Variants in ANKRD28 observed in about 807,000 individuals in gnomAD.
ANKRD28 encodes the protein serine/threonine-protein phosphatase 6 regulatory ankyrin repeat subunit A.
ANKRD28 carries 44 observed loss-of-function variants against 126.5 expected under a neutral mutation model. That is an observed-to-expected ratio of 0.35 (90% CI 0.27 to 0.45). The LOEUF is 0.45. Ranked by LOEUF, ANKRD28 falls within the 20% of genes least tolerant of loss-of-function variation. The pLI is 1.00. For synonymous variants in ANKRD28, 442 were observed against 468.5 expected (o/e 0.94, Z 0.73); for missense variants, 1,110 against 1,316.6 (o/e 0.84, Z 2.43).
chr3:15,757,341 G>C (rs931087376), intron 3 of ANKRD28, among the ~76,000 whole-genome samples: 5 of 152,088 alleles, frequency 3.3e-5, no homozygotes, highest in Non-Finnish European at 7.4e-5. Context: ...CATTGTTCAA[G>C]GGTCAACTAT....
Position 15,749,360 on chromosome 3 carries a change from C to T in ANKRD28, c.351+2390G>A, listed in dbSNP as rs113466604. 8.9e-3 allele frequency among the ~76,000 whole-genome samples: 1,353 copies of T among 152,024 alleles called. 10 individuals are homozygous for T. Among genetic ancestry groups the T allele is most frequent in the Middle Eastern group, 0.031 (9 of 294 alleles). On this transcript the variant is annotated intron_variant, in intron 4 of 27. Transcript: ENST00000683139. ...ATCTCCTGACCTCATGATCCACCCG[C>T]CTCGGCCTCCCAAAGTGCTGGGATT... is the stretch of plus-strand genomic sequence containing the variant.
intron 2 of ANKRD28, among the ~76,000 whole-genome samples, chr3:15,794,439 T>G (rs1467917963): frequency 6.6e-6 from 1 of 152,180 alleles, no homozygotes; most frequent in African/African-American, 2.4e-5. Context: ...AGCGACTTTG[T>G]GAATCATATG....
At chr3:15,841,165 C>G (rs2061418293) in intron 1 of ANKRD28, among the ~76,000 whole-genome samples, 1 of 152,000 alleles carries the variant, frequency 6.6e-6, no homozygotes, top group Non-Finnish European at 1.5e-5. Flanking sequence ...AATGAAGACC[C>G]CTACCTCTTG....
rs1320918786 is a variant in ANKRD28 at position 15,843,590 on chromosome 3, GA to G, written c.27+15786del. On this transcript the variant is annotated intron_variant, in intron 1 of 27. Transcript: ENST00000399451. This position sits in a 1 kb window ranked among gnomAD's most constrained non-coding sequence, Gnocchi z 5.2. ...AGAATAGTTTGAGCCAAAAATAAGG[GA>G]AAAAAAAGAGAGAGAGGCAGAAATT... Among the ~76,000 whole-genome samples, 2 of 150,232 alleles carry G rather than the reference GA, an allele frequency of 1.3e-5. No individual in the cohort carries two copies. Among genetic ancestry groups the G allele is most frequent in the East Asian group, 1.9e-4 (1 of 5,144 alleles).
intron 8 of ANKRD28, among the ~76,000 whole-genome samples, chr3:15,719,920 G>C (rs909524651): frequency 6.6e-6 from 1 of 151,948 alleles, no homozygotes; most frequent in Non-Finnish European, 1.5e-5. Context: ...ACCCAGGCTG[G>C]AGGGCAGTAG....
intron 3 of ANKRD28, chr3:15,756,484 A>C: frequency 1.0e-6 from 1 of 985,230 alleles, no homozygotes; most frequent in South Asian, 4.7e-5. Context: ...ACTTACTTAC[A>C]TTAGTCTAGG....
chr3:15,746,972 A>C (rs923218433), intron 4 of ANKRD28, among the ~76,000 whole-genome samples: 6 of 152,064 alleles, frequency 3.9e-5, no homozygotes, highest in Admixed American at 2.6e-4. Context: ...TAGGTTTTCT[A>C]GTTTATGTGC....
rs531495695 is a variant in ANKRD28 at position 15,806,319 on chromosome 3, C to G, written c.28-11013G>C. Among the ~76,000 whole-genome samples the G allele has an allele frequency of 6.2e-4, 95 of 152,254 alleles. 1 individual carries two copies. The highest frequency in any genetic ancestry group is 7.6e-4 in the Non-Finnish European group (52 of 68,006). On this transcript the variant is annotated intron_variant, in intron 1 of 27. Coordinates refer to the ANKRD28 transcript ENST00000399451. ...ATAAGAATTGATAATTAGCCCATTC[C>G]TAACTAGGTTGTTAAATCCGCTATC...
At chr3:15,754,563 G>T (rs1239112590) in intron 3 of ANKRD28, among the ~76,000 whole-genome samples, 1 of 152,078 alleles carries the variant, frequency 6.6e-6, no homozygotes, top group South Asian at 2.1e-4. Flanking sequence ...TTCTGAAGAG[G>T]GAAAAAGAAA....
chr3:15,780,107 T>A (rs1052898232), intron 2 of ANKRD28, among the ~76,000 whole-genome samples: 1 of 151,988 alleles, frequency 6.6e-6, no homozygotes, highest in Non-Finnish European at 1.5e-5. Flanking sequence ...GTAAAAGGCA[T>A]CCTAATAAAA....
In ANKRD28 at chr3:15,815,663, T is replaced by A. The variant is rs2060818110; in HGVS notation, c.28-20357A>T. The stretch of plus-strand genomic sequence containing the variant: ...TGACAAAGAATCATCTTTGTTATAG[T>A]AATTACTATTGTAGTAATTAATGCC... On this transcript the variant is annotated intron_variant, in intron 1 of 27. Coordinates refer to the ANKRD28 transcript ENST00000399451. The surrounding 1 kb of genome is among the most constrained non-coding windows in gnomAD (Gnocchi z 4.1). Among the ~76,000 whole-genome samples the A allele has an allele frequency of 6.6e-6, 1 of 152,196 alleles. No individual in the cohort carries two copies.
At chr3:15,743,865 G>A (rs2057296214) in intron 4 of ANKRD28, among the ~76,000 whole-genome samples, 1 of 152,166 alleles carries the variant, frequency 6.6e-6, no homozygotes, top group Non-Finnish European at 1.5e-5. Flanking sequence ...AGGTAGTACG[G>A]TATGTGCTAA....
exon 1 of ANKRD28, chr3:15,859,449 T>G: frequency 6.8e-7 from 1 of 1,465,900 alleles, no homozygotes; most frequent in Non-Finnish European, 9.0e-7. Flanking sequence ...CCTCCGCCGC[T>G]GCCGCTGCCG....
At chr3:15,688,124 G>A (rs2068354246) in intron 18 of ANKRD28, among the ~76,000 whole-genome samples, 1 of 149,940 alleles carries the variant, frequency 6.7e-6, no homozygotes, top group Non-Finnish European at 1.5e-5. Context: ...ACTTCTAAGG[G>A]ACTGGCTAAT....
At position 15,720,972 on chromosome 3, in the gene ANKRD28, T is replaced by A. The variant is rs1453614528; in HGVS notation, c.939A>T (p.Thr313=). 6.2e-7 allele frequency: 1 copy of A among 1,613,920 alleles called. No homozygotes were observed. The highest frequency in any genetic ancestry group is 8.5e-7 in the Non-Finnish European group (1 of 1,179,836). Residue 313 remains threonine, a synonymous_variant, in exon 8 of 28, where the codon ACA becomes ACT. Transcript: ENST00000683139. ...FTPLHFAAAS[T]HGALCLELLV... Reference sequence around the variant, plus strand: ...GAAGCTCTAAACACAATGCTCCATGTGTTGATGCAGCAGCAAAGTGCAAAG... The same window carrying A: ...GAAGCTCTAAACACAATGCTCCATGAGTTGATGCAGCAGCAAAGTGCAAAG...
chr3:15,690,888 A>G (rs1181475105), intron 17 of ANKRD28, among the ~76,000 whole-genome samples: 1 of 152,106 alleles, frequency 6.6e-6, no homozygotes, highest in Non-Finnish European at 1.5e-5. Flanking sequence ...GTTCTTAATC[A>G]CAGTTCAGTG....
chr3:15,749,498 C>T (rs2057729519), intron 4 of ANKRD28, among the ~76,000 whole-genome samples: 1 of 152,186 alleles, frequency 6.6e-6, no homozygotes, highest in African/African-American at 2.4e-5. Flanking sequence ...CTTTTCCTGG[C>T]AATTCATAGA....
At chr3:15,694,290 T>G (rs1052691714) in intron 17 of ANKRD28, among the ~76,000 whole-genome samples, 1 of 152,076 alleles carries the variant, frequency 6.6e-6, no homozygotes, top group Non-Finnish European at 1.5e-5. Context: ...TGTGAGCAAC[T>G]AAAGGACCAG....
chr3:15,696,238 C>T lies in ANKRD28; in HGVS notation c.1555G>A (p.Glu519Lys), dbSNP rs1339621043. ...TTTGCATCGTTTCTTAATAAGTATT[C>T]CAGGCACCTATATACAACAACAACA... ...ATSDTDGKCL[E>K]YLLRNDANPG... Residue 519 changes from glutamate to lysine, a missense_variant, in exon 15 of 28, where the codon GAA (glutamate) becomes AAA (lysine). By Grantham distance (56) the Glu-to-Lys change is moderately conservative. Transcript: ENST00000683139. The T allele has an allele frequency of 3.2e-6, 5 of 1,568,208 alleles. No individual in the cohort carries two copies. In the South Asian group the frequency reaches 5.8e-5, roughly 18 times the overall value.
Sources: allele counts gnomAD v4.1 joint callset (sites outside exome capture counted in the v4.1 genomes callset), GRCh38; gene constraint gnomAD v4.1.1; non-coding constraint Gnocchi (gnomAD v3.1); transcripts MANE v1.5; gene names NCBI Gene and HGNC (gene_info 2026-07-23, HGNC 2026-07-21).